ACOT8: variants seen among roughly 807,000 people sequenced by gnomAD.
The protein encoded by ACOT8 is acyl-coenzyme A thioesterase 8.
A neutral mutation model predicts 38.4 loss-of-function variants in ACOT8; 31 were observed. That is an observed-to-expected ratio of 0.81 (90% CI 0.61 to 1.09). ACOT8 has a LOEUF of 1.09. Among genes scored for constraint, ACOT8 ranks in the 50% least tolerant of loss-of-function variants. The pLI, the probability that ACOT8 is intolerant of heterozygous loss-of-function variation, is 0.00. For synonymous variants in ACOT8, 158 were observed against 170.3 expected (o/e 0.93, Z 0.56); for missense variants, 373 against 421.8 (o/e 0.88, Z 1.01).
chr20:45,851,346 C>A (rs1985044694), intron 2 of ACOT8, among the ~76,000 whole-genome samples: 1 of 152,190 alleles, frequency 6.6e-6, no homozygotes, highest in South Asian at 2.1e-4. Flanking sequence ...AGTCTTCCTC[C>A]CTACCACCAA....
At chr20:45,856,414 G>T (rs1985431982) in intron 1 of ACOT8, among the ~76,000 whole-genome samples, 1 of 152,180 alleles carries the variant, frequency 6.6e-6, no homozygotes, top group Non-Finnish European at 1.5e-5. Context: ...GGCTGGGCGC[G>T]GTGGCTCATG....
intron 2 of ACOT8, chr20:45,853,410 C>T (rs1478182311): frequency 6.6e-6 from 1 of 152,342 alleles, no homozygotes; most frequent in Non-Finnish European, 1.5e-5. Context: ...AGATAATGCA[C>T]ACAACTATGC....
intron 5 of ACOT8, chr20:45,842,612 GT>G: frequency 1.0e-6 from 1 of 993,178 alleles, no homozygotes; most frequent in Non-Finnish European, 1.2e-6. Flanking sequence ...CAAGTTTGAT[GT>G]TTATGAGGAT....
chr20:45,855,614 G>T (rs886875370), intron 1 of ACOT8, among the ~76,000 whole-genome samples: 3 of 151,976 alleles, frequency 2.0e-5, no homozygotes, highest in Non-Finnish European at 4.4e-5. Context: ...TTAGCTGGAC[G>T]TGGTGGCATG....
chr20:45,846,172 G>A (rs949482538), intron 3 of ACOT8, among the ~76,000 whole-genome samples: 2 of 152,142 alleles, frequency 1.3e-5, no homozygotes, highest in Non-Finnish European at 2.9e-5. Context: ...ATATAGCCAC[G>A]AGTGGCTAGA....
At chr20:45,848,330 CTTCTT>C in intron 3 of ACOT8, 115 bp downstream of exon 3, 1 of 931,656 alleles carries the variant, frequency 1.1e-6, no homozygotes, top group Non-Finnish European at 1.6e-6. Context: ...ACTCCAGTAT[CTTCTT>C]TTCTAATCTG....
At chr20:45,850,968 G>A (rs980598433) in intron 2 of ACOT8, among the ~76,000 whole-genome samples, 2 of 152,132 alleles carry the variant, frequency 1.3e-5, no homozygotes, top group Non-Finnish European at 2.9e-5. Flanking sequence ...AACTTCCCTG[G>A]TTTCCCTGAA....
chr20:45,855,143 G>T lies in ACOT8; in HGVS notation c.262+16C>A, dbSNP rs1386743212. 5 of 1,613,310 alleles carry T rather than the reference G, an allele frequency of 3.1e-6. No individual in the cohort carries two copies. In the Admixed American group the frequency reaches 8.3e-5, roughly 27 times the overall value. On this transcript the variant is annotated intron_variant, in intron 2 of 5. Coordinates refer to ENST00000217455, the MANE Select transcript of ACOT8 (RefSeq NM_005469.4). ...GGCCACCAGGGTTGGGTTGGGGCAG[G>T]AAGTGGGGGGTTTACCTGCCCGAAC...
chr20:45,842,690 A>ATG (rs1166943760), intron 5 of ACOT8: 1 of 989,920 alleles, frequency 1.0e-6, no homozygotes, highest in East Asian at 1.1e-4. Context: ...TGAAGCAGTT[A>ATG]TGTGTTGTCC....
chr20:45,856,727 G>A (rs1379464845), intron 1 of ACOT8, among the ~76,000 whole-genome samples: 1 of 152,148 alleles, frequency 6.6e-6, no homozygotes, highest in Admixed American at 6.5e-5. Flanking sequence ...CAGCGATGCT[G>A]GGAAAGAAAA....
intron 5 of ACOT8, chr20:45,842,215 C>T: frequency 6.9e-7 from 1 of 1,454,270 alleles, no homozygotes; most frequent in Non-Finnish European, 9.0e-7. Flanking sequence ...AGTGTCGTGG[C>T]TGCTCCAAAT....
chr20:45,854,987 ATT>A (rs1008106023), intron 2 of ACOT8, among the ~76,000 whole-genome samples, 170 bp downstream of exon 2: 44 of 152,202 alleles, frequency 2.9e-4, no homozygotes, highest in Non-Finnish European at 5.9e-4. Context: ...TCCAAGGCTC[ATT>A]GTTAGCCCCA....
chr20:45,842,834 C>G (rs970652533), intron 5 of ACOT8: 16 of 994,632 alleles, frequency 1.6e-5, no homozygotes, highest in Non-Finnish European at 1.8e-5. Flanking sequence ...TGAGAATACC[C>G]CTTATCTGAG....
rs145548006 is a variant in ACOT8 at position 45,842,767 on chromosome 20, T to C, written c.841+760A>G. On this transcript the variant is annotated intron_variant, in intron 5 of 5. Transcript: ENST00000217455. Reference sequence around the variant, plus strand: ...TTTGGCCCCATGATGAAGCCAAATCTGAACCCATGTCCTCACTTCAAGGTT... The same window carrying C: ...TTTGGCCCCATGATGAAGCCAAATCCGAACCCATGTCCTCACTTCAAGGTT... 457 of 989,884 alleles carry C rather than the reference T, an allele frequency of 4.6e-4. No homozygotes were observed. In the African/African-American group the frequency reaches 6.6e-3, roughly 14 times the overall value. The allele number at this position is 989,884 out of a possible 1,614,324, so 61.3% of individuals were successfully genotyped here. A position where few individuals can be genotyped will look rare whatever the true frequency, so the allele number is the denominator to read the frequency against.
Position 45,846,136 on chromosome 20 carries a change from G to A in ACOT8, c.489-1716C>T, listed in dbSNP as rs149720880. Among the ~76,000 whole-genome samples, 1,202 of 152,240 alleles carry A rather than the reference G, an allele frequency of 7.9e-3. 6 individuals are homozygous for A. Among genetic ancestry groups the A allele is most frequent in the Admixed American group, 0.015 (232 of 15,282 alleles). ...ATTACAGGCATGAACCACTGCGCCC[G>A]GACCTATTTAATTTTAATTAATGTA... On this transcript the variant is annotated intron_variant, in intron 3 of 5. Coordinates refer to ENST00000217455, the MANE Select transcript of ACOT8 (RefSeq NM_005469.4).
chr20:45,842,068 T>G, intron 5 of ACOT8, 112 bp from the exon 6 acceptor site: 1 of 1,541,976 alleles, frequency 6.5e-7, no homozygotes. Flanking sequence ...CTCAAGCGCC[T>G]GGGTTCAAGG....
Position 45,855,305 on chromosome 20 carries a change from G to C in ACOT8, c.129-13C>G. On this transcript the variant is annotated splice_polypyrimidine_tract_variant and intron_variant, in intron 1 of 5. Transcript: ENST00000217455. ...GTAATGCCTTCCTCTGTAGGGAGAGGGGGAAAGAGGGAAAGACTTGGGAAC... is the reference window on the plus strand; with the variant it reads ...GTAATGCCTTCCTCTGTAGGGAGAGCGGGAAAGAGGGAAAGACTTGGGAAC... The C allele has an allele frequency of 6.2e-7, 1 of 1,613,618 alleles. No homozygotes were observed. The highest frequency in any genetic ancestry group is 8.5e-7 in the Non-Finnish European group (1 of 1,179,896).
intron 2 of ACOT8, among the ~76,000 whole-genome samples, chr20:45,849,421 G>T (rs959710888): frequency 6.6e-6 from 1 of 151,722 alleles, no homozygotes; most frequent in Non-Finnish European, 1.5e-5. Flanking sequence ...AGTGGGGGGG[G>T]ACTACAGGGG....
intron 5 of ACOT8, 37 bp downstream of exon 5, chr20:45,843,490 A>G: frequency 3.8e-6 from 6 of 1,599,086 alleles, no homozygotes; most frequent in Non-Finnish European, 3.4e-6. Flanking sequence ...CTGCCACTCA[A>G]GGTCAGTGCC....
Sources: allele counts gnomAD v4.1 joint callset (sites outside exome capture counted in the v4.1 genomes callset), GRCh38; gene constraint gnomAD v4.1.1; transcripts MANE v1.5; gene names NCBI Gene and HGNC (gene_info 2026-07-23, HGNC 2026-07-21).